RASAL2: variants seen among roughly 807,000 people sequenced by gnomAD.
RASAL2 encodes RAS protein activator like 2, also known as ras GTPase-activating protein nGAP.
A neutral mutation model predicts 128.9 loss-of-function variants in RASAL2; 58 were observed. That is an observed-to-expected ratio of 0.45 (90% CI 0.36 to 0.56). The LOEUF is 0.56. RASAL2 is among the 20% of genes least tolerant of loss of function. The pLI is 0.00. For synonymous variants in RASAL2, 561 were observed against 580.8 expected, an observed-to-expected ratio of 0.97 and a Z score of 0.49; for missense variants, 1,360 against 1,601.6, an observed-to-expected ratio of 0.85 and a Z score of 2.57.
intron 1 of RASAL2, among the ~76,000 whole-genome samples, chr1:178,149,125 A>G (rs993527406): frequency 3.3e-5 from 5 of 152,180 alleles, no homozygotes; most frequent in Non-Finnish European, 4.4e-5. Context: ...AGATTATTCT[A>G]GGACATAAAC....
chr1:178,130,880 C>T (rs1356193811), intron 1 of RASAL2, among the ~76,000 whole-genome samples: 1 of 152,018 alleles, frequency 6.6e-6, no homozygotes, highest in Non-Finnish European at 1.5e-5. Context: ...CAGTGAAACC[C>T]CGTCTCTACT....
chr1:178,263,931 T>C (rs1191335314), intron 1 of RASAL2, among the ~76,000 whole-genome samples: 2 of 152,216 alleles, frequency 1.3e-5, no homozygotes, highest in Non-Finnish European at 2.9e-5. Flanking sequence ...ATAGGAATTC[T>C]AGCAGAGGTC....
chr1:178,099,789 C>T (rs576678964), intron 1 of RASAL2, among the ~76,000 whole-genome samples: 7 of 151,536 alleles, frequency 4.6e-5, no homozygotes, highest in South Asian at 2.1e-4. Flanking sequence ...GGTGAAACCC[C>T]GTTTCTACTA....
intron 1 of RASAL2, among the ~76,000 whole-genome samples, chr1:178,108,982 C>T (rs1263434431): frequency 6.6e-6 from 1 of 152,092 alleles, no homozygotes; most frequent in African/African-American, 2.4e-5. Context: ...AAAATATGGA[C>T]TTTTTTTCTA....
chr1:178,358,546 T>G (rs1021743343), intron 3 of RASAL2, among the ~76,000 whole-genome samples: 1 of 152,136 alleles, frequency 6.6e-6, no homozygotes, highest in African/African-American at 2.4e-5. Flanking sequence ...ATAACATATA[T>G]ACCCATAGAC....
chr1:178,161,586 A>T (rs1661297274), intron 1 of RASAL2, among the ~76,000 whole-genome samples: 2 of 152,154 alleles, frequency 1.3e-5, no homozygotes, highest in South Asian at 2.1e-4. Flanking sequence ...ATTTGTGAAC[A>T]CGTTTGTTGT....
At chr1:178,229,975 C>T (rs1306112285) in intron 1 of RASAL2, among the ~76,000 whole-genome samples, 1 of 152,192 alleles carries the variant, frequency 6.6e-6, no homozygotes, top group East Asian at 1.9e-4. Flanking sequence ...CCATCTACCA[C>T]TGAGAACTGC....
At chr1:178,305,044 C>A (rs1015585684) in intron 3 of RASAL2, among the ~76,000 whole-genome samples, 5 of 152,072 alleles carry the variant, frequency 3.3e-5, no homozygotes, top group African/African-American at 7.2e-5. Context: ...AAAAAGTAAT[C>A]CCATTTACAA....
intron 5 of RASAL2, among the ~76,000 whole-genome samples, chr1:178,433,974 T>C (rs1427139105): frequency 6.6e-6 from 1 of 152,068 alleles, no homozygotes; most frequent in East Asian, 1.9e-4. Context: ...CTCTTATCCT[T>C]CTACCCATTA....
In RASAL2 at chr1:178,458,206, A is replaced by G. The variant is rs750332818; in HGVS notation, c.2914A>G (p.Met972Val). Residue 972 changes from methionine to valine, a missense_variant, in exon 14 of 18, where the codon ATG becomes GTG. Coordinates refer to ENST00000367649, the MANE Select transcript of RASAL2 (RefSeq NM_170692.4). ...GCTCAGTGGACCCAGCAATAGCAGC[A>G]TGGAAGATTTCACTAAACGTAGCAC... ...FKLSGPSNSS[M>V]EDFTKRSTQS... 1.9e-6 allele frequency: 3 copies of G among 1,614,286 alleles called. No individual in the cohort carries two copies. The highest frequency in any genetic ancestry group is 2.2e-5 in the South Asian group (2 of 91,090).
chr1:178,467,526 T>C (rs1647848380), intron 17 of RASAL2, 105 bp downstream of exon 17: 1 of 903,748 alleles, frequency 1.1e-6, no homozygotes, highest in Non-Finnish European at 1.8e-6. Flanking sequence ...AAATGTGTCA[T>C]TGAAAAGTTC....
intron 3 of RASAL2, among the ~76,000 whole-genome samples, chr1:178,371,208 A>T (rs1369535616): frequency 6.6e-6 from 1 of 151,730 alleles, no homozygotes; most frequent in African/African-American, 2.4e-5. Context: ...TAAAAAATTC[A>T]TCTGGATCTG....
intron 3 of RASAL2, among the ~76,000 whole-genome samples, chr1:178,324,309 A>G (rs536552015): frequency 3.9e-4 from 59 of 152,066 alleles, no homozygotes; most frequent in African/African-American, 1.4e-3. Context: ...AATCCCAACT[A>G]CTTGGGAGGC....
intron 1 of RASAL2, among the ~76,000 whole-genome samples, chr1:178,102,035 A>G (rs12143791): frequency 0.33 from 48,976 of 149,932 alleles, 9,662 homozygotes; most frequent in East Asian, 0.54. Flanking sequence ...TTTTTTTTTC[A>G]TATTTTTCCT....
intron 1 of RASAL2, among the ~76,000 whole-genome samples, chr1:178,182,161 C>A (rs892233738): frequency 6.6e-6 from 1 of 152,176 alleles, no homozygotes; most frequent in African/African-American, 2.4e-5. Context: ...TTTATTCATA[C>A]CTTGCATTAC....
chr1:178,212,627 G>A (rs569903502), intron 1 of RASAL2, among the ~76,000 whole-genome samples: 3 of 152,022 alleles, frequency 2.0e-5, no homozygotes, highest in Non-Finnish European at 2.9e-5. Context: ...GAGTAGGTGG[G>A]ACTACAGGTA....
chr1:178,155,584 C>T (rs989370146), intron 1 of RASAL2, among the ~76,000 whole-genome samples: 5 of 151,746 alleles, frequency 3.3e-5, no homozygotes, highest in Non-Finnish European at 5.9e-5. Context: ...CTGAAGCAGC[C>T]TCCTACATCT....
At chr1:178,305,684 T>A (rs115433563) in intron 3 of RASAL2, among the ~76,000 whole-genome samples, 3,622 of 152,254 alleles carry the variant, frequency 0.024, 66 homozygotes, top group Middle Eastern at 0.058. Context: ...TTTGAGGGTA[T>A]TATTAGACCC....
intron 1 of RASAL2, among the ~76,000 whole-genome samples, chr1:178,213,409 A>G (rs1049068590): frequency 6.6e-6 from 1 of 152,208 alleles, no homozygotes; most frequent in Non-Finnish European, 1.5e-5. Flanking sequence ...GAACATAACT[A>G]TGAGAAAAGA....
Sources: gnomAD v4.1 joint callset for allele counts (sites outside exome capture counted in the v4.1 genomes callset) on GRCh38, gnomAD v4.1.1 for gene constraint, MANE v1.5 for transcripts, NCBI Gene and HGNC (gene_info 2026-07-23, HGNC 2026-07-21) for gene names.